STON2: variants seen among roughly 807,000 people sequenced by gnomAD.
STON2 encodes the protein stonin 2.
Under a neutral mutation model 65.7 loss-of-function variants are expected in STON2, and 29 were observed. The observed-to-expected ratio is 0.44, with a 90% CI of 0.33 to 0.60. STON2 has a LOEUF of 0.60. Ranked by LOEUF, STON2 falls within the 20% of genes least tolerant of loss-of-function variation. The pLI is 0.03. For synonymous variants in STON2, 404 were observed against 414.2 expected (o/e 0.98, Z 0.30); for missense variants, 1,054 against 1,118.1 (o/e 0.94, Z 0.82).
At chr14:81,336,544 G>A (rs1897378623) in intron 4 of STON2, among the ~76,000 whole-genome samples, 1 of 152,026 alleles carries the variant, frequency 6.6e-6, no homozygotes, top group Admixed American at 6.6e-5. Flanking sequence ...TACATGACCT[G>A]CATGGAGGGT....
intron 6 of STON2, among the ~76,000 whole-genome samples, chr14:81,273,221 G>A (rs1008177089): frequency 3.9e-5 from 6 of 152,132 alleles, no homozygotes; most frequent in Non-Finnish European, 5.9e-5. Flanking sequence ...TTCTAGCATC[G>A]ACTCTCAGAT....
At chr14:81,312,893 T>C (rs1896480976) in intron 5 of STON2, among the ~76,000 whole-genome samples, 1 of 152,264 alleles carries the variant, frequency 6.6e-6, no homozygotes, top group South Asian at 2.1e-4. Flanking sequence ...TACACAACGA[T>C]GCCGGTAAGA....
Position 81,266,790 on chromosome 14 carries a change from A to G in STON2, c.*1624T>C, listed in dbSNP as rs1894373175. 1.0e-6 allele frequency: 1 copy of G among 970,918 alleles called. No homozygotes were observed. Among genetic ancestry groups the G allele is most frequent in the Non-Finnish European group, 1.2e-6 (1 of 826,530 alleles). 60.1% of individuals were successfully genotyped at this position (970,918 alleles called of 1,614,324 possible). ...TACCGTGAAACCAGGTCTTCCTAACACCGTTCCCATCAACACCACACACAT... is the reference window on the plus strand; with the variant it reads ...TACCGTGAAACCAGGTCTTCCTAACGCCGTTCCCATCAACACCACACACAT... On this transcript the variant is annotated 3_prime_UTR_variant, in exon 8 of 8. Coordinates refer to ENST00000614646, the MANE Select transcript of STON2 (RefSeq NM_001394390.1).
At chr14:81,284,691 T>C (rs2140139943) in intron 5 of STON2, among the ~76,000 whole-genome samples, 1 of 152,232 alleles carries the variant, frequency 6.6e-6, no homozygotes, top group Admixed American at 6.5e-5. Context: ...TCACTGAAGA[T>C]AAAACAGCCT....
intron 4 of STON2, among the ~76,000 whole-genome samples, chr14:81,329,580 A>C (rs1237652603): frequency 2.0e-5 from 3 of 152,126 alleles, no homozygotes; most frequent in African/African-American, 7.2e-5. Flanking sequence ...AACTAGAAGA[A>C]ACCCCACTGA....
At position 81,263,183 on chromosome 14, in the gene STON2, A is replaced by C. The variant is rs528225141; in HGVS notation, c.*5231T>G. 1.0e-6 allele frequency: 1 copy of C among 984,796 alleles called. No homozygotes were observed. Among genetic ancestry groups the C allele is most frequent in the Non-Finnish European group, 1.2e-6 (1 of 829,362 alleles). The allele number at this position is 984,796 out of a possible 1,614,324, so 61.0% of individuals were successfully genotyped here. A position where few individuals can be genotyped will look rare whatever the true frequency, so the allele number is the denominator to read the frequency against. The stretch of plus-strand genomic sequence containing the variant: ...ACATGACCTAAGGCTAGCTTGTCCA[A>C]CCCTTGGCCCATGATGGTTTTGAAT... On this transcript the variant is annotated 3_prime_UTR_variant, in exon 8 of 8. Coordinates refer to ENST00000614646, the MANE Select transcript of STON2 (RefSeq NM_001394390.1).
At chr14:81,334,131 C>T (rs1441181587) in intron 4 of STON2, among the ~76,000 whole-genome samples, 1 of 152,152 alleles carries the variant, frequency 6.6e-6, no homozygotes, top group Non-Finnish European at 1.5e-5. Flanking sequence ...TGCTGAAAGG[C>T]CAGGTAAGAT....
rs1354121992 is a variant in STON2 at position 81,425,452 on chromosome 14, A to G, written c.-199+1650T>C. The stretch of plus-strand genomic sequence containing the variant: ...CTGGGCACGGTGGCTCACACCTGTA[A>G]TCCCAGCTACTTGGGAGGCTTAGGC... On this transcript the variant is annotated intron_variant, in intron 2 of 8. Transcript: ENST00000553821. Among the ~76,000 whole-genome samples, 4 of 152,198 alleles carry G rather than the reference A, an allele frequency of 2.6e-5. No homozygotes were observed. In the East Asian group the frequency reaches 7.7e-4, roughly 29 times the overall value.
intron 5 of STON2, among the ~76,000 whole-genome samples, chr14:81,296,162 T>C (rs1895753035): frequency 6.6e-6 from 1 of 152,236 alleles, no homozygotes; most frequent in Admixed American, 6.5e-5. Context: ...GCATTGTGTA[T>C]GCTAAAACAG....
At chr14:81,418,902 C>G (rs142566769) in intron 2 of STON2, among the ~76,000 whole-genome samples, 41 of 152,312 alleles carry the variant, frequency 2.7e-4, no homozygotes, top group African/African-American at 9.6e-4. Context: ...CAAGTAAACA[C>G]CACTTCCATA....
In STON2 at chr14:81,417,897, C is replaced by T. The variant is rs567050549; in HGVS notation, c.-199+9205G>A. Among the ~76,000 whole-genome samples the T allele has an allele frequency of 5.6e-4, 85 of 152,228 alleles. 3 individuals carry two copies. In the South Asian group the frequency reaches 0.016, roughly 28 times the overall value. ...AGAGAGAGATAGAAAAACCAGAGGG[C>T]TCCAGGCTATGATGGCAAGAGGGAA... On this transcript the variant is annotated intron_variant, in intron 2 of 8. Transcript: ENST00000553821.
At chr14:81,270,944 T>C (rs1894560864) in intron 6 of STON2, 72 bp from the exon 7 acceptor site, 2 of 1,552,822 alleles carry the variant, frequency 1.3e-6, no homozygotes, top group African/African-American at 1.4e-5. Flanking sequence ...AAGGAGCCAC[T>C]TTGGTAATAA....
chr14:81,410,996 G>A (rs1365512098), intron 2 of STON2, among the ~76,000 whole-genome samples: 1 of 152,192 alleles, frequency 6.6e-6, no homozygotes, highest in Non-Finnish European at 1.5e-5. Flanking sequence ...TACTACATGG[G>A]TATTCTCTCG....
At chr14:81,363,435 A>C (rs1447534370) in intron 4 of STON2, among the ~76,000 whole-genome samples, 2 of 152,188 alleles carry the variant, frequency 1.3e-5, no homozygotes, top group African/African-American at 4.8e-5. Context: ...AAATGGTAGG[A>C]ACTCAATATA....
intron 6 of STON2, among the ~76,000 whole-genome samples, chr14:81,272,625 T>C (rs1475130354): frequency 6.6e-6 from 1 of 152,178 alleles, no homozygotes; most frequent in Non-Finnish European, 1.5e-5. Flanking sequence ...TTCTAAAGAG[T>C]AATGCTTTGG....
At position 81,297,398 on chromosome 14, in the gene STON2, T is replaced by G. The variant is rs1472038321; in HGVS notation, c.743-18659A>C. Among the ~76,000 whole-genome samples, 3 of 152,258 alleles carry G rather than the reference T, an allele frequency of 2.0e-5. No individual in the cohort carries two copies. In the East Asian group the frequency reaches 5.8e-4, roughly 29 times the overall value. ...AGGATCTGAACCCAAGAGGTCTGAG[T>G]TGGCAACCCTTAGTCTTAACCACTC... On this transcript the variant is annotated intron_variant, in intron 5 of 7. Transcript: ENST00000614646.
At chr14:81,428,236 A>G (rs970813879) in intron 1 of STON2, among the ~76,000 whole-genome samples, 2 of 152,214 alleles carry the variant, frequency 1.3e-5, no homozygotes, top group African/African-American at 4.8e-5. Context: ...AGGGACACGG[A>G]ATGATTTAGA....
At chr14:81,270,640 A>C (rs1206239531) in intron 7 of STON2, 30 bp downstream of exon 7, 1 of 1,614,178 alleles carries the variant, frequency 6.2e-7, no homozygotes, top group African/African-American at 1.3e-5. Context: ...ATGGAGTTGG[A>C]AGCATTAGCC....
intron 3 of STON2, among the ~76,000 whole-genome samples, chr14:81,386,074 C>A (rs1002716818): frequency 5.3e-5 from 8 of 152,080 alleles, no homozygotes; most frequent in Non-Finnish European, 1.0e-4. Context: ...TTACAGCAGA[C>A]GGAGCCCAGG....
Sources: gnomAD v4.1 joint callset for allele counts (sites outside exome capture counted in the v4.1 genomes callset) on GRCh38, gnomAD v4.1.1 for gene constraint, MANE v1.5 for transcripts, NCBI Gene and HGNC (gene_info 2026-07-23, HGNC 2026-07-21) for gene names.